ZNF420: variants seen among roughly 807,000 people sequenced by gnomAD.
ZNF420 encodes the protein ATM and p53-associated KZNF protein.
Under a neutral mutation model 44.7 loss-of-function variants are expected in ZNF420, and 31 were observed. That is an observed-to-expected ratio of 0.69 (90% CI 0.52 to 0.94). ZNF420 has a LOEUF of 0.94. Among genes scored for constraint, ZNF420 ranks in the 40% least tolerant of loss-of-function variants. The pLI is 0.00. For synonymous variants in ZNF420, 245 were observed against 267.4 expected (o/e 0.92, Z 0.82); for missense variants, 681 against 827.9 (o/e 0.82, Z 2.18).
chr19:37,021,679 C>G (rs1012461469), intron 1 of ZNF420, among the ~76,000 whole-genome samples: 5 of 152,072 alleles, frequency 3.3e-5, no homozygotes, highest in African/African-American at 7.2e-5. Context: ...TGGCTCACAC[C>G]TGTAATCTCA....
At chr19:37,086,035 C>T (rs764382612) in intron 2 of ZNF420, among the ~76,000 whole-genome samples, 26 of 151,622 alleles carry the variant, frequency 1.7e-4, no homozygotes, top group Non-Finnish European at 2.5e-4. Context: ...CTTCTGGCCT[C>T]AAGTAATCTT....
chr19:37,077,514 TC>T (rs1373867247), upstream of ZNF420, among the ~76,000 whole-genome samples: 3 of 152,206 alleles, frequency 2.0e-5, no homozygotes, highest in African/African-American at 7.2e-5. Flanking sequence ...TTTGGATTCT[TC>T]CCGATAACAC....
chr19:37,039,470 C>T (rs981544145), intron 1 of ZNF420, among the ~76,000 whole-genome samples: 9 of 152,106 alleles, frequency 5.9e-5, no homozygotes, highest in African/African-American at 1.4e-4. Flanking sequence ...AATAAGCTGA[C>T]GTATTTGAAA....
At position 37,127,440 on chromosome 19, in the gene ZNF420, G is replaced by A. The variant is rs369789525; in HGVS notation, c.449G>A (p.Arg150Gln). The change falls in exon 5 of 5, where the codon CGA becomes CAA. Residue 150 changes from arginine (R) to glutamine (Q), a missense_variant. Transcript: ENST00000337995. ...KCKECGKAFRRASHLTQHQSI... is the reference protein window; with the variant it reads ...KCKECGKAFRQASHLTQHQSI... Reference sequence around the variant, plus strand: ...AAGGAATGTGGGAAAGCCTTCAGACGAGCCTCACACCTAACACAACATCAA... The same window carrying A: ...AAGGAATGTGGGAAAGCCTTCAGACAAGCCTCACACCTAACACAACATCAA... 6.2e-6 allele frequency: 10 copies of A among 1,613,782 alleles called. No individual in the cohort carries two copies. The highest frequency in any genetic ancestry group is 4.0e-5 in the African/African-American group (3 of 74,842).
At position 37,129,873 on chromosome 19, in the gene ZNF420, T is replaced by C. The variant is rs1971571239; in HGVS notation, c.*815T>C. ...CCAAAGTCTAATAAATCTAGGAATT[T>C]TTTAAAAACTTGAATGTATTGCTTT... On this transcript the variant is annotated 3_prime_UTR_variant, in exon 5 of 5. Coordinates refer to ENST00000337995, the MANE Select transcript of ZNF420 (RefSeq NM_144689.5). 4 of 993,574 alleles carry C rather than the reference T, an allele frequency of 4.0e-6. No homozygotes were observed. Among genetic ancestry groups the C allele is most frequent in the Non-Finnish European group, 5.5e-6 (4 of 723,532 alleles). The allele number at this position is 993,574 out of a possible 1,614,324, so 61.5% of individuals were successfully genotyped here.
At chr19:37,008,280 TTCTCTC>T (rs534361132) in intron 1 of ZNF420, among the ~76,000 whole-genome samples, 1 of 151,788 alleles carries the variant, frequency 6.6e-6, no homozygotes, top group Non-Finnish European at 1.5e-5. Context: ...TCTCACTTTC[TTCTCTC>T]TCTCTCTCCC....
Position 37,129,276 on chromosome 19 carries a change from G to A in ZNF420, c.*218G>A. 5.3e-6 allele frequency: 3 copies of A among 565,870 alleles called. No homozygotes were observed. Among genetic ancestry groups the A allele is most frequent in the East Asian group, 3.0e-5 (1 of 33,714 alleles). 35.1% of individuals were successfully genotyped at this position (565,870 alleles called of 1,614,324 possible). On this transcript the variant is annotated 3_prime_UTR_variant, in exon 5 of 5. Transcript: ENST00000337995. ...GGAGAATAGTTTTAATATAGTAAAT[G>A]TAGGAAGCCCTTTAGCCATATTGAA... is the stretch of plus-strand genomic sequence containing the variant.
In ZNF420 at chr19:37,125,181, G is replaced by C. The variant is rs1971281171; in HGVS notation, c.137-1947G>C. Among the ~76,000 whole-genome samples, 4 of 152,088 alleles carry C rather than the reference G, an allele frequency of 2.6e-5. 1 individual carries two copies. The highest frequency in any genetic ancestry group is 2.6e-4 in the Admixed American group (4 of 15,260). Reference sequence around the variant, plus strand: ...CTCTCCAACATTCCATGAGATTATAGAACCCTTTCATTACGTTATAGACCT... The same window carrying C: ...CTCTCCAACATTCCATGAGATTATACAACCCTTTCATTACGTTATAGACCT... On this transcript the variant is annotated intron_variant, in intron 4 of 4. Transcript: ENST00000337995.
At chr19:37,126,986 G>T in intron 4 of ZNF420, 142 bp from the exon 5 acceptor site, 1 of 552,098 alleles carries the variant, frequency 1.8e-6, no homozygotes, top group African/African-American at 2.9e-5. Flanking sequence ...GATGTGAAAG[G>T]TAGGTATTAT....
intron 1 of ZNF420, among the ~76,000 whole-genome samples, chr19:37,056,127 G>C (rs1345210279): frequency 6.6e-6 from 1 of 151,868 alleles, no homozygotes; most frequent in Non-Finnish European, 1.5e-5. Flanking sequence ...TGTGTGGCAG[G>C]GAGCCGAAGG....
At chr19:37,060,097 T>A (rs891243158) in intron 1 of ZNF420, among the ~76,000 whole-genome samples, 2 of 152,102 alleles carry the variant, frequency 1.3e-5, no homozygotes, top group East Asian at 1.9e-4. Flanking sequence ...CTCCACCACC[T>A]CAGGAGATGC....
chr19:37,122,730 A>C (rs913043057), intron 4 of ZNF420, among the ~76,000 whole-genome samples: 3 of 151,898 alleles, frequency 2.0e-5, no homozygotes, highest in African/African-American at 7.3e-5. Context: ...CTTCTCATCT[A>C]CCTGAAGTGA....
chr19:37,021,843 A>G (rs759778013), intron 1 of ZNF420, among the ~76,000 whole-genome samples: 9 of 148,732 alleles, frequency 6.1e-5, no homozygotes, highest in Non-Finnish European at 1.3e-4. Context: ...AGGCTGAGGC[A>G]GGAGAATCGC....
rs1291469126 is a variant in ZNF420, at chr19:37,089,280, C to T, written c.9+153C>T. Among the ~76,000 whole-genome samples, 3 of 152,148 alleles carry T rather than the reference C, an allele frequency of 2.0e-5. No individual in the cohort carries two copies. The East Asian group carries it at 5.8e-4, about 29-fold the overall frequency. On this transcript the variant is annotated intron_variant, in intron 3 of 4. Transcript: ENST00000337995. ...CATTCTGATAAGTGATAGTGTCTTC[C>T]CTAAGTGTGTCTTTCGAATCTAACC...
chr19:37,058,838 C>T (rs1967808553), intron 1 of ZNF420, among the ~76,000 whole-genome samples: 2 of 152,204 alleles, frequency 1.3e-5, no homozygotes, highest in South Asian at 4.1e-4. Context: ...TCGGACTCGC[C>T]CTATCCCTGT....
At chr19:37,109,153 C>A (rs1270830851) in intron 4 of ZNF420, among the ~76,000 whole-genome samples, 2 of 152,192 alleles carry the variant, frequency 1.3e-5, no homozygotes, top group African/African-American at 4.8e-5. Flanking sequence ...CTGGTGTTCT[C>A]CCTAGACAAA....
rs1568446966 is a variant in ZNF420 at position 37,087,301 on chromosome 19, ATAAATAAAT to A, written c.-80-1737_-80-1729del. 1.5e-4 allele frequency among the ~76,000 whole-genome samples: 19 copies of A among 124,584 alleles called. No homozygotes were observed. The East Asian group carries it at 2.7e-3, about 18-fold the overall frequency. 81.7% of individuals were successfully genotyped at this position (124,584 alleles called of 152,430 possible). A position where few individuals can be genotyped will look rare whatever the true frequency, so the allele number is the denominator to read the frequency against. ...CTGTCTCAAAAAAAAAAATAAATAA[ATAAATAAAT>A]AAATAAATAAATAAATAAATAAATA... is the stretch of plus-strand genomic sequence containing the variant. On this transcript the variant is annotated intron_variant, in intron 2 of 4. Transcript: ENST00000337995.
In ZNF420 at chr19:37,130,195, T is replaced by A; in HGVS notation, c.*1137T>A. On this transcript the variant is annotated 3_prime_UTR_variant, in exon 5 of 5. Transcript: ENST00000337995. ...CTTTGAGAATGGTATCTGGGTGTTA[T>A]GGATCATGGAGCAGAAATACAGAAG... is the stretch of plus-strand genomic sequence containing the variant. The A allele has an allele frequency of 6.5e-7, 1 of 1,550,184 alleles. No homozygotes were observed. Among genetic ancestry groups the A allele is most frequent in the South Asian group, 1.2e-5 (1 of 83,984 alleles).
At position 37,101,063 on chromosome 19, in the gene ZNF420, A is replaced by G. The variant is rs1252415085; in HGVS notation, c.136+9942A>G. The stretch of plus-strand genomic sequence containing the variant: ...CCTTTTCACAGTTTCCTGTTGGCCT[A>G]TGGAAATGCTACTTATTTTTGTACA... On this transcript the variant is annotated intron_variant, in intron 4 of 4. Transcript: ENST00000337995. Among the ~76,000 whole-genome samples the G allele has an allele frequency of 2.8e-5, 4 of 142,952 alleles. No individual in the cohort carries two copies. In the East Asian group the frequency reaches 6.3e-4, roughly 22 times the overall value. The allele number at this position is 142,952 out of a possible 152,430, so 93.8% of individuals were successfully genotyped here. A position where few individuals can be genotyped will look rare whatever the true frequency, so the allele number is the denominator to read the frequency against.
Sources: allele counts gnomAD v4.1 joint callset (sites outside exome capture counted in the v4.1 genomes callset), GRCh38; gene constraint gnomAD v4.1.1; transcripts MANE v1.5; gene names NCBI Gene and HGNC (gene_info 2026-07-23, HGNC 2026-07-21).